Variants in TMEM125 observed in about 807,000 individuals in gnomAD.
The protein encoded by TMEM125 is transmembrane protein 125.
A neutral mutation model predicts 8.7 loss-of-function variants in TMEM125; 11 were observed. That is an observed-to-expected ratio of 1.26 (90% CI 0.79 to 2.08). The LOEUF (loss-of-function observed/expected upper bound fraction) is 2.08. Among genes scored for constraint, TMEM125 ranks in the 30% most tolerant of loss-of-function variants. The probability of loss-of-function intolerance (pLI) is 0.00; values close to 1 mark genes in which losing one functional copy is unlikely to be tolerated. For missense variants in TMEM125, 270 were observed against 302.4 expected (o/e 0.89, Z 0.79); for synonymous variants, 144 against 146.1 (o/e 0.99, Z 0.10).
At position 43,273,246 on chromosome 1, in the gene TMEM125, A is replaced by G; in HGVS notation, c.524A>G (p.His175Arg). 6.2e-7 allele frequency: 1 copy of G among 1,614,116 alleles called. No homozygotes were observed. Among genetic ancestry groups the G allele is most frequent in the Non-Finnish European group, 8.5e-7 (1 of 1,180,004 alleles). Residue 175 changes from histidine (H) to arginine (R), a missense_variant, in exon 4 of 4, where the codon CAC becomes CGC. His to Arg is a conservative substitution (Grantham distance 29). Around this residue, in one of 3 missense-constraint regions of TMEM125, gnomAD observed 52 missense variants for 69.4 expected, o/e 0.75. Transcript: ENST00000439858. ...CTGTATCAAGTGGGTGTGAGCGGAC[A>G]CTGCCCCTCCATCTGTATGGCCACT... is the stretch of plus-strand genomic sequence containing the variant. Reference protein sequence around the residue: ...LLLYQVGVSGHCPSICMATPS... With the variant: ...LLLYQVGVSGRCPSICMATPS...
chr1:43,272,669 A>G lies in TMEM125; in HGVS notation c.-54A>G, dbSNP rs10890247. ...GGCAGGTGCTCCAGGCTGTGATCTG[A>G]ACCCTCTGACCCCTGACATTGACCT... is the stretch of plus-strand genomic sequence containing the variant. On this transcript the variant is annotated 5_prime_UTR_variant, in exon 4 of 4. Coordinates refer to ENST00000439858, the MANE Select transcript of TMEM125 (RefSeq NM_144626.3). This position sits in a 1 kb window ranked among gnomAD's most constrained non-coding sequence, Gnocchi z 5.0. 1.4e-6 allele frequency: 2 copies of G among 1,425,112 alleles called. No homozygotes were observed. The highest frequency in any genetic ancestry group is 1.8e-6 in the Non-Finnish European group (2 of 1,090,410). The allele number at this position is 1,425,112 out of a possible 1,614,324, so 88.3% of individuals were successfully genotyped here. A position where few individuals can be genotyped will look rare whatever the true frequency, so the allele number is the denominator to read the frequency against.
chr1:43,272,689 T>C lies in TMEM125; in HGVS notation c.-34T>C, dbSNP rs1646499680. Reference sequence around the variant, plus strand: ...ATCTGAACCCTCTGACCCCTGACATTGACCTCCTACCCTGACCCCTGCCTG... The same window carrying C: ...ATCTGAACCCTCTGACCCCTGACATCGACCTCCTACCCTGACCCCTGCCTG... On this transcript the variant is annotated 5_prime_UTR_variant, in exon 4 of 4. Coordinates refer to ENST00000439858, the MANE Select transcript of TMEM125 (RefSeq NM_144626.3). The surrounding 1 kb of genome is among the most constrained non-coding windows in gnomAD (Gnocchi z 5.0). 1 of 1,462,322 alleles carries C rather than the reference T, an allele frequency of 6.8e-7. No individual in the cohort carries two copies. The highest frequency in any genetic ancestry group is 9.0e-7 in the Non-Finnish European group (1 of 1,111,010). 90.6% of individuals were successfully genotyped at this position (1,462,322 alleles called of 1,614,324 possible).
At position 43,273,234 on chromosome 1, in the gene TMEM125, G is replaced by A. The variant is rs1342859496; in HGVS notation, c.512G>A (p.Gly171Asp). 6.2e-7 allele frequency: 1 copy of A among 1,614,212 alleles called. No homozygotes were observed. Among genetic ancestry groups the A allele is most frequent in the Non-Finnish European group, 8.5e-7 (1 of 1,180,030 alleles). The change falls in exon 4 of 4, where the codon GGT becomes GAT. Residue 171 changes from glycine (G) to aspartate (D), a missense_variant. By Grantham distance (94) the Gly-to-Asp change is moderately conservative. Transcript: ENST00000439858. The stretch of plus-strand genomic sequence containing the variant: ...CTGGGCCTGCTGCTGTATCAAGTGG[G>A]TGTGAGCGGACACTGCCCCTCCATC... The part of the protein sequence containing the change: ...LLLGLLLYQV[G>D]VSGHCPSICM...
At position 43,273,286 on chromosome 1, in the gene TMEM125, T is replaced by G. The variant is rs775782469; in HGVS notation, c.564T>G (p.Ser188Arg). The change falls in exon 4 of 4, where the codon AGT becomes AGG. Residue 188 changes from serine (S) to arginine (R), a missense_variant. Physicochemically the swap from Ser to Arg is moderately radical, Grantham distance 110 (BLOSUM62 -1). This residue lies in a region of TMEM125 where 52 missense variants were observed against 69.4 expected (regional missense o/e 0.75). Coordinates refer to ENST00000439858, the MANE Select transcript of TMEM125 (RefSeq NM_144626.3). ...GTATGGCCACTCCCTCCACCCACAG[T>G]GGCCATGGCGGCCATGGCAGCATCT... is the stretch of plus-strand genomic sequence containing the variant. ...SICMATPSTH[S>R]GHGGHGSIFS... 4 of 1,614,124 alleles carry G rather than the reference T, an allele frequency of 2.5e-6. No individual in the cohort carries two copies. In the South Asian group the frequency reaches 3.3e-5, roughly 13 times the overall value.
Position 43,273,127 on chromosome 1 carries a change from C to G in TMEM125, c.405C>G (p.Ala135=), listed in dbSNP as rs139782659. 1.2e-6 allele frequency: 2 copies of G among 1,610,780 alleles called. No individual in the cohort carries two copies. The highest frequency in any genetic ancestry group is 2.7e-5 in the African/African-American group (2 of 74,864). The change falls in exon 4 of 4, where the codon GCC becomes GCG. Residue 135 remains alanine (A), a synonymous_variant. Transcript: ENST00000439858. ...LVTGLTLAGL[A]AAPAPARPLA... is the part of the protein sequence containing the mutation. ...CCGGCCTGACCCTGGCCGGGCTGGC[C>G]GCCGCCCCTGCCCCTGCTCGGCCGC...
At chr1:43,270,886 C>CA (rs1188189877) in intron 2 of TMEM125, 93 bp downstream of exon 2, 1 of 150,706 alleles carries the variant, frequency 6.6e-6, no homozygotes, top group African/African-American at 2.4e-5. Flanking sequence ...CCCAGCCTGA[C>CA]ACCCGTTGTC....
rs770315020 is a variant in TMEM125, at chr1:43,273,199, G to C, written c.477G>C (p.Ser159=). Residue 159 remains serine, a synonymous_variant, in exon 4 of 4, where the codon TCG becomes TCC. Coordinates refer to ENST00000439858, the MANE Select transcript of TMEM125 (RefSeq NM_144626.3). ...SVGIALAALG[S]LLLLGLLLYQ... ...GCATTGCTCTGGCTGCCTTGGGCTCGCTTTTGCTGCTGGGCCTGCTGCTGT... is the reference window on the plus strand; with the variant it reads ...GCATTGCTCTGGCTGCCTTGGGCTCCCTTTTGCTGCTGGGCCTGCTGCTGT... 1.2e-6 allele frequency: 2 copies of C among 1,614,176 alleles called. No homozygotes were observed. The highest frequency in any genetic ancestry group is 2.2e-5 in the South Asian group (2 of 91,078).
Position 43,273,223 on chromosome 1 carries a change from G to A in TMEM125, c.501G>A (p.Leu167=). The A allele has an allele frequency of 6.2e-7, 1 of 1,614,220 alleles. No homozygotes were observed. The highest frequency in any genetic ancestry group is 8.5e-7 in the Non-Finnish European group (1 of 1,180,036). ...CGCTTTTGCTGCTGGGCCTGCTGCTGTATCAAGTGGGTGTGAGCGGACACT... is the reference window on the plus strand; with the variant it reads ...CGCTTTTGCTGCTGGGCCTGCTGCTATATCAAGTGGGTGTGAGCGGACACT... ...LGSLLLLGLL[L]YQVGVSGHCP... Residue 167 remains leucine, a synonymous_variant, in exon 4 of 4, where the codon CTG becomes CTA. Coordinates refer to ENST00000439858, the MANE Select transcript of TMEM125 (RefSeq NM_144626.3).
At position 43,272,669 on chromosome 1, in the gene TMEM125, A is replaced by C. The variant is rs10890247; in HGVS notation, c.-54A>C. The C allele has an allele frequency of 0.55, 789,485 of 1,423,932 alleles. 221,633 individuals carry two copies. Among genetic ancestry groups the C allele is most frequent in the African/African-American group, 0.78 (53,640 of 69,068 alleles). 88.2% of individuals were successfully genotyped at this position (1,423,932 alleles called of 1,614,324 possible). ...GGCAGGTGCTCCAGGCTGTGATCTG[A>C]ACCCTCTGACCCCTGACATTGACCT... On this transcript the variant is annotated 5_prime_UTR_variant, in exon 4 of 4. Transcript: ENST00000439858. The surrounding 1 kb of genome is among the most constrained non-coding windows in gnomAD (Gnocchi z 5.0).
rs377402646 is a variant in TMEM125, at chr1:43,272,828, C to T, written c.106C>T (p.Leu36Phe). ...GTCCCAGCAGCCGCGGCGCTCGGCG[C>T]TCTGCTTCGTCGTGGCCGTGGGCCT... ...WWSQQPRRSA[L>F]CFVVAVGLVA... Residue 36 changes from leucine to phenylalanine, a missense_variant, in exon 4 of 4, where the codon CTC becomes TTC. By Grantham distance (22) the Leu-to-Phe change is conservative. This residue lies in a region of TMEM125 where 215 missense variants were observed against 216.5 expected (regional missense o/e 0.99). Transcript: ENST00000439858. The surrounding 1 kb of genome is among the most constrained non-coding windows in gnomAD (Gnocchi z 5.0). 10 of 1,573,652 alleles carry T rather than the reference C, an allele frequency of 6.4e-6. No homozygotes were observed. In the African/African-American group the frequency reaches 8.1e-5, roughly 13 times the overall value.
In TMEM125 at chr1:43,271,426, C is replaced by G. The variant is rs115209335; in HGVS notation, c.-302+633C>G. Among the ~76,000 whole-genome samples the G allele has an allele frequency of 6.6e-6, 1 of 152,224 alleles. No homozygotes were observed. Among genetic ancestry groups the G allele is most frequent in the African/African-American group, 2.4e-5 (1 of 41,448 alleles). On this transcript the variant is annotated intron_variant, in intron 2 of 3. Coordinates refer to ENST00000439858, the MANE Select transcript of TMEM125 (RefSeq NM_144626.3). This position sits in a 1 kb window ranked among gnomAD's most constrained non-coding sequence, Gnocchi z 4.9. Reference sequence around the variant, plus strand: ...CCCACACCCACACTTAGCACAGGCACTGGCCTGCTTGCTTCTGTCTCTGTC... The same window carrying G: ...CCCACACCCACACTTAGCACAGGCAGTGGCCTGCTTGCTTCTGTCTCTGTC...
chr1:43,271,001 A>G lies in TMEM125; in HGVS notation c.-302+208A>G, dbSNP rs1646487228. ...CCACCTCCCCCACTTCCTTGAGAGC[A>G]TCGGCACCAGCCCCCGCCCACCTCG... On this transcript the variant is annotated intron_variant, in intron 2 of 3. Transcript: ENST00000439858. This position sits in a 1 kb window ranked among gnomAD's most constrained non-coding sequence, Gnocchi z 4.9. The G allele has an allele frequency of 6.6e-6, 1 of 152,224 alleles. No individual in the cohort carries two copies. Among genetic ancestry groups the G allele is most frequent in the African/African-American group, 2.4e-5 (1 of 41,408 alleles). 9.4% of individuals were successfully genotyped at this position (152,224 alleles called of 1,614,324 possible).
At position 43,272,969 on chromosome 1, in the gene TMEM125, G is replaced by T; in HGVS notation, c.247G>T (p.Val83Leu). 6.2e-7 allele frequency: 1 copy of T among 1,610,954 alleles called. No individual in the cohort carries two copies. Among genetic ancestry groups the T allele is most frequent in the Non-Finnish European group, 8.5e-7 (1 of 1,177,622 alleles). ...CTGTTTGCTGGCTCTGCTGGTTCTG[G>T]TGAAACAGCTGATGAGCTCGGCTGT... ...VLCLLALLVL[V>L]KQLMSSAVQD... The change falls in exon 4 of 4, where the codon GTG becomes TTG. Residue 83 changes from valine (V) to leucine (L), a missense_variant. Transcript: ENST00000439858. The surrounding 1 kb of genome is among the most constrained non-coding windows in gnomAD (Gnocchi z 5.0).
chr1:43,272,466 A>T lies in TMEM125; in HGVS notation c.-145-112A>T, dbSNP rs1349856990. ...ACTGCAGAGGGGGCTATCCCAGGGGAGATTCGGGGGAACACTGGGGTGGAT... is the reference window on the plus strand; with the variant it reads ...ACTGCAGAGGGGGCTATCCCAGGGGTGATTCGGGGGAACACTGGGGTGGAT... On this transcript the variant is annotated intron_variant, in intron 3 of 3. Coordinates refer to ENST00000439858, the MANE Select transcript of TMEM125 (RefSeq NM_144626.3). The surrounding 1 kb of genome is among the most constrained non-coding windows in gnomAD (Gnocchi z 5.0). The T allele has an allele frequency of 2.5e-6, 1 of 399,394 alleles. No individual in the cohort carries two copies. Among genetic ancestry groups the T allele is most frequent in the African/African-American group, 2.1e-5 (1 of 48,108 alleles). The allele number at this position is 399,394 out of a possible 1,614,324, so 24.7% of individuals were successfully genotyped here.
rs1184481116 is a variant in TMEM125 at position 43,272,984 on chromosome 1, A to G, written c.262A>G (p.Ser88Gly). Residue 88 changes from serine (S) to glycine (G), a missense_variant, in exon 4 of 4, where the codon AGC becomes GGC. Transcript: ENST00000439858. This position sits in a 1 kb window ranked among gnomAD's most constrained non-coding sequence, Gnocchi z 5.0. ...GCTGGTTCTGGTGAAACAGCTGATG[A>G]GCTCGGCTGTGCAGGACATGAACTG... ...ALLVLVKQLM[S>G]SAVQDMNCIR... The G allele has an allele frequency of 6.2e-7, 1 of 1,612,106 alleles. No individual in the cohort carries two copies.
rs1168578985 is a variant in TMEM125 at position 43,272,833 on chromosome 1, C to A, written c.111C>A (p.Cys37Ter). The A allele has an allele frequency of 1.3e-6, 2 of 1,575,458 alleles. No homozygotes were observed. The highest frequency in any genetic ancestry group is 1.7e-6 in the Non-Finnish European group (2 of 1,157,692). The change falls in exon 4 of 4, where the codon TGC becomes TGA. Residue 37 changes from cysteine to a stop codon, truncating the protein, a stop_gained. Transcript: ENST00000439858. LOFTEE classifies it high-confidence loss of function. The surrounding 1 kb of genome is among the most constrained non-coding windows in gnomAD (Gnocchi z 5.0). ...WSQQPRRSALCFVVAVGLVAG... is the reference protein window; with the variant it reads ...WSQQPRRSAL ...AGCAGCCGCGGCGCTCGGCGCTCTGCTTCGTCGTGGCCGTGGGCCTCGTGG... is the reference window on the plus strand; with the variant it reads ...AGCAGCCGCGGCGCTCGGCGCTCTGATTCGTCGTGGCCGTGGGCCTCGTGG...
chr1:43,269,986 C>G lies in TMEM125; in HGVS notation c.-514C>G, dbSNP rs1377636501. The G allele has an allele frequency of 1.3e-5, 2 of 151,898 alleles. No individual in the cohort carries two copies. Among genetic ancestry groups the G allele is most frequent in the African/African-American group, 4.8e-5 (2 of 41,254 alleles). The allele number at this position is 151,898 out of a possible 1,614,324, so 9.4% of individuals were successfully genotyped here. ...CCTTCACCCCTCCTCCCTGTTCACT[C>G]AAATCCTGCTTCCCCAGTAGGATCC... On this transcript the variant is annotated 5_prime_UTR_variant, in exon 1 of 4. Transcript: ENST00000439858.
Position 43,272,486 on chromosome 1 carries a change from G to T in TMEM125, c.-145-92G>T. ...AGGGGAGATTCGGGGGAACACTGGGGTGGATTCTCAGGGATCATCCCCAAG... is the reference window on the plus strand; with the variant it reads ...AGGGGAGATTCGGGGGAACACTGGGTTGGATTCTCAGGGATCATCCCCAAG... On this transcript the variant is annotated intron_variant, in intron 3 of 3. Transcript: ENST00000439858. The surrounding 1 kb of genome is among the most constrained non-coding windows in gnomAD (Gnocchi z 5.0). The T allele has an allele frequency of 4.6e-6, 2 of 438,286 alleles. No homozygotes were observed. Among genetic ancestry groups the T allele is most frequent in the Non-Finnish European group, 8.0e-6 (2 of 250,874 alleles). 27.1% of individuals were successfully genotyped at this position (438,286 alleles called of 1,614,324 possible).
rs1032966999 is a variant in TMEM125, at chr1:43,271,053, AG to A, written c.-302+261del. 3.9e-4 allele frequency: 59 copies of A among 152,326 alleles called. No individual in the cohort carries two copies. The highest frequency in any genetic ancestry group is 1.3e-3 in the African/African-American group (56 of 41,536). 9.4% of individuals were successfully genotyped at this position (152,326 alleles called of 1,614,324 possible). ...GGGTAGGGGTCAGCCTCTGCAGAGG[AG>A]TCTCCGGGAGGACAGATACCTCGTC... On this transcript the variant is annotated intron_variant, in intron 2 of 3. Coordinates refer to ENST00000439858, the MANE Select transcript of TMEM125 (RefSeq NM_144626.3). This position sits in a 1 kb window ranked among gnomAD's most constrained non-coding sequence, Gnocchi z 4.9.
Sources: allele counts gnomAD v4.1 joint callset (sites outside exome capture counted in the v4.1 genomes callset), GRCh38; gene constraint gnomAD v4.1.1; regional missense constraint gnomAD v4.1.1; non-coding constraint Gnocchi (gnomAD v3.1); transcripts MANE v1.5; gene names NCBI Gene and HGNC (gene_info 2026-07-23, HGNC 2026-07-21).